Variants in PDE4A observed in about 807,000 individuals in gnomAD.
PDE4A encodes 3',5'-cyclic-AMP phosphodiesterase 4A.
Under a neutral mutation model 73.9 loss-of-function variants are expected in PDE4A, and 21 were observed. The ratio of observed to expected loss-of-function variants is 0.28; its 90% confidence interval spans 0.20 to 0.41. The LOEUF is 0.41. Among genes scored for constraint, PDE4A ranks in the 10% least tolerant of loss-of-function variants. The probability of loss-of-function intolerance (pLI) is 1.00; values close to 1 mark genes in which losing one functional copy is unlikely to be tolerated. For missense variants in PDE4A, 958 were observed against 1,211.4 expected, an observed-to-expected ratio of 0.79 and a Z score of 3.10; for synonymous variants, 463 against 505.4, an observed-to-expected ratio of 0.92 and a Z score of 1.13.
intron 1 of PDE4A, among the ~76,000 whole-genome samples, chr19:10,430,664 C>A (rs944393595): frequency 6.6e-6 from 1 of 151,622 alleles, no homozygotes; most frequent in African/African-American, 2.4e-5. Context: ...CCACCAGAGC[C>A]GTGCGGGCGC....
chr19:10,467,256 C>CA lies in PDE4A; in HGVS notation c.2297dup (p.Glu767GlyfsTer29). 6.2e-7 allele frequency: 1 copy of CA among 1,614,222 alleles called. No homozygotes were observed. Among genetic ancestry groups the CA allele is most frequent in the Non-Finnish European group, 8.5e-7 (1 of 1,180,040 alleles). ...CCAGGAGTCGTTGGAAGTTATGGCA[C>CA]AGGAAGCATCCCTGGAGGCCGAGCT... On this transcript the variant is annotated frameshift_variant, in exon 15 of 15. Coordinates refer to ENST00000380702, the MANE Select transcript of PDE4A (RefSeq NM_001111307.2). LOFTEE classifies it low-confidence loss of function (END_TRUNC).
chr19:10,465,222 C>A (rs2043344927), intron 14 of PDE4A, among the ~76,000 whole-genome samples: 1 of 150,088 alleles, frequency 6.7e-6, no homozygotes, highest in Non-Finnish European at 1.5e-5. Context: ...TCCCCCTCCT[C>A]ATTTTTTTTT....
rs2042635790 is a variant in PDE4A, at chr19:10,420,553, C to T, written c.-212C>T. On this transcript the variant is annotated 5_prime_UTR_variant, in exon 1 of 15. Coordinates refer to ENST00000380702, the MANE Select transcript of PDE4A (RefSeq NM_001111307.2). The surrounding 1 kb of genome is among the most constrained non-coding windows in gnomAD (Gnocchi z 6.0). The stretch of plus-strand genomic sequence containing the variant: ...GGAGCGCGGAGAGCGCCGCCGGGCA[C>T]TGAGCAGAGCTCCAGGCGCCGAAAG... 3 of 1,200,460 alleles carry T rather than the reference C, an allele frequency of 2.5e-6. No homozygotes were observed. The highest frequency in any genetic ancestry group is 1.0e-6 in the Non-Finnish European group (1 of 965,728). 74.4% of individuals were successfully genotyped at this position (1,200,460 alleles called of 1,614,324 possible).
At chr19:10,428,397 TGA>T (rs151327420) in intron 1 of PDE4A, among the ~76,000 whole-genome samples, 2,727 of 115,594 alleles carry the variant, frequency 0.024, 76 homozygotes, top group African/African-American at 0.081. Context: ...AGAGAGATAT[TGA>T]GAGAGAGAGA....
intron 7 of PDE4A, 22 bp from the exon 8 acceptor site, chr19:10,457,857 T>C (rs1325639204): frequency 1.2e-6 from 2 of 1,611,842 alleles, no homozygotes; most frequent in South Asian, 2.2e-5. Context: ...TCACACTTGT[T>C]CCTGCTCCCC....
intron 1 of PDE4A, among the ~76,000 whole-genome samples, chr19:10,434,265 A>G (rs1435255397): frequency 1.6e-5 from 2 of 124,074 alleles, no homozygotes; most frequent in African/African-American, 3.2e-5. Context: ...AGTGCAGTGG[A>G]GTGATCTTGG....
At chr19:10,461,291 C>T (rs1159028095) in intron 11 of PDE4A, 188 bp downstream of exon 11, 2 of 802,392 alleles carry the variant, frequency 2.5e-6, no homozygotes, top group Non-Finnish European at 2.9e-6. Flanking sequence ...AAGGGGATGG[C>T]CGGGCAGGAG....
At position 10,442,027 on chromosome 19, in the gene PDE4A, T is replaced by A. The variant is rs75853597; in HGVS notation, c.321-4191T>A. On this transcript the variant is annotated intron_variant, in intron 1 of 14. Coordinates refer to ENST00000380702, the MANE Select transcript of PDE4A (RefSeq NM_001111307.2). ...TCTGTATGTGGTCCACCTCTTCAGT[T>A]TTCCCAGCACCATCGTTTTGAAAAG... 6.5e-3 allele frequency among the ~76,000 whole-genome samples: 985 copies of A among 152,132 alleles called. 15 individuals are homozygous for A. The highest frequency in any genetic ancestry group is 0.023 in the African/African-American group (937 of 41,506).
intron 10 of PDE4A, 131 bp downstream of exon 10, chr19:10,459,890 T>A (rs2043234880): frequency 8.6e-7 from 1 of 1,165,634 alleles, no homozygotes; most frequent in South Asian, 1.6e-5. Flanking sequence ...CTCTTTTTTT[T>A]TTCTTTTTGA....
intron 1 of PDE4A, among the ~76,000 whole-genome samples, chr19:10,441,684 ATTTTT>A (rs1308151510): frequency 2.2e-5 from 2 of 92,728 alleles, no homozygotes; most frequent in African/African-American, 9.0e-5. Flanking sequence ...ATTTTGAGTT[ATTTTT>A]TTTTTTTTTT....
chr19:10,427,836 CA>C (rs2042736695), intron 1 of PDE4A: 2 of 985,034 alleles, frequency 2.0e-6, no homozygotes, highest in Admixed American at 6.2e-5. Flanking sequence ...GGTCGGTGAA[CA>C]AAAATGCATT....
At chr19:10,460,918 C>T in intron 10 of PDE4A, 86 bp from the exon 11 acceptor site, 2 of 1,419,056 alleles carry the variant, frequency 1.4e-6, no homozygotes, top group African/African-American at 1.4e-5. Context: ...CCCATCTCAG[C>T]CTCCTAAGTA....
At chr19:10,418,888 A>T (rs559990329), upstream of PDE4A, 1 of 983,856 alleles carries the variant, frequency 1.0e-6, no homozygotes, top group East Asian at 1.1e-4. Flanking sequence ...AGCCGTTTTG[A>T]GTGTGTAATG....
At chr19:10,417,817 C>T (rs750833632), upstream of PDE4A, 1 of 1,557,604 alleles carries the variant, frequency 6.4e-7, no homozygotes, top group South Asian at 1.2e-5. Flanking sequence ...ACCACCCTGC[C>T]GCTGCTGATC....
chr19:10,429,528 G>A (rs1423154258), intron 1 of PDE4A, among the ~76,000 whole-genome samples: 9 of 152,034 alleles, frequency 5.9e-5, no homozygotes, highest in Non-Finnish European at 1.0e-4. Context: ...TGTAGAGATG[G>A]GATCTCGCCA....
upstream of PDE4A, chr19:10,418,706 CT>C: frequency 1.3e-5 from 13 of 969,334 alleles, no homozygotes; most frequent in Non-Finnish European, 1.6e-5. Flanking sequence ...TTTCCTCCTT[CT>C]TCTGCAACCC....
At chr19:10,439,251 G>A (rs1201620701) in intron 1 of PDE4A, among the ~76,000 whole-genome samples, 3 of 151,684 alleles carry the variant, frequency 2.0e-5, no homozygotes, top group Admixed American at 6.6e-5. Flanking sequence ...GTGTGATCTC[G>A]GTTCACTGCA....
At chr19:10,440,708 C>T (rs1260543232) in intron 1 of PDE4A, among the ~76,000 whole-genome samples, 2 of 152,152 alleles carry the variant, frequency 1.3e-5, no homozygotes, top group Admixed American at 6.6e-5. Context: ...AAGCAGTTCT[C>T]GTGTTTTAGC....
intron 14 of PDE4A, 125 bp from the exon 15 acceptor site, chr19:10,466,762 G>A: frequency 6.2e-6 from 9 of 1,441,898 alleles, no homozygotes; most frequent in African/African-American, 1.4e-5. Context: ...CCAAAGTGCT[G>A]GGATTATAGA....
Sources: allele counts gnomAD v4.1 joint callset (sites outside exome capture counted in the v4.1 genomes callset), GRCh38; gene constraint gnomAD v4.1.1; non-coding constraint Gnocchi (gnomAD v3.1); transcripts MANE v1.5; gene names NCBI Gene and HGNC (gene_info 2026-07-23, HGNC 2026-07-21).